Variants in KMT2C observed in about 807,000 individuals in gnomAD.
The protein encoded by KMT2C is lysine methyltransferase 2C, also known as histone-lysine N-methyltransferase 2C.
In KMT2C, 88 loss-of-function variants were observed where a neutral mutation model predicts 507.9. The ratio of observed to expected loss-of-function variants is 0.17; its 90% CI spans 0.15 to 0.21. The LOEUF is 0.21. Ranked by LOEUF, KMT2C falls within the 10% of genes least tolerant of loss-of-function variation. The pLI is 1.00. For synonymous variants in KMT2C, 2,049 were observed against 2,080.8 expected (o/e 0.98, Z 0.42); for missense variants, 4,954 against 5,957.8 (o/e 0.83, Z 5.55).
At chr7:152,164,278 T>C (rs1209234234) in intron 42 of KMT2C, among the ~76,000 whole-genome samples, 2 of 151,872 alleles carry the variant, frequency 1.3e-5, no homozygotes, top group Admixed American at 6.6e-5. Flanking sequence ...CTTAAATATA[T>C]AAATTGTACA....
intron 1 of KMT2C, among the ~76,000 whole-genome samples, chr7:152,425,428 T>C (rs1463164236): frequency 6.6e-6 from 1 of 151,982 alleles, no homozygotes; most frequent in East Asian, 1.9e-4. Context: ...ATAGAAAAAT[T>C]AGCCAGGCGT....
chr7:152,251,103 G>A, intron 11 of KMT2C, 137 bp from the exon 12 acceptor site: 1 of 600,506 alleles, frequency 1.7e-6, no homozygotes, highest in Non-Finnish European at 2.9e-6. Flanking sequence ...ATTTTTCTCT[G>A]TTGAACCACA....
rs193120605 is a variant in KMT2C, at chr7:152,145,336, T to C, written c.14032-41A>G. 374 of 1,602,660 alleles carry C rather than the reference T, an allele frequency of 2.3e-4. 3 individuals carry two copies. The African/African-American group carries it at 4.3e-3, about 18-fold the overall frequency. On this transcript the variant is annotated intron_variant, in intron 53 of 58. Coordinates refer to ENST00000262189, the MANE Select transcript of KMT2C (RefSeq NM_170606.3). ...GCAGACACAAAGTCACCCCATCTGA[T>C]GGAGACTACAGACAATCTCAAGCTG...
At chr7:152,297,055 C>CAGAGAG (rs769381866) in intron 6 of KMT2C, among the ~76,000 whole-genome samples, 1,670 of 84,300 alleles carry the variant, frequency 0.02, 32 homozygotes, top group African/African-American at 0.026. Context: ...GAAAGAAAGA[C>CAGAGAG]AGAGAGAGAG....
chr7:152,214,900 G>A (rs1004876479), intron 23 of KMT2C, among the ~76,000 whole-genome samples: 1 of 152,054 alleles, frequency 6.6e-6, no homozygotes, highest in Non-Finnish European at 1.5e-5. Context: ...TACACAGCAT[G>A]AGAACCACAG....
chr7:152,394,021 T>C (rs1427835428), intron 1 of KMT2C, among the ~76,000 whole-genome samples: 1 of 152,074 alleles, frequency 6.6e-6, no homozygotes, highest in Non-Finnish European at 1.5e-5. Flanking sequence ...TGGTGTGAAC[T>C]ACGAATCCTC....
chr7:152,348,599 T>TAAAAAAAAAAAAAAAAAAAAAAAAAAAAA (rs201530125), intron 2 of KMT2C, among the ~76,000 whole-genome samples: 9 of 49,004 alleles, frequency 1.8e-4, no homozygotes, highest in African/African-American at 3.6e-4. Context: ...AACTCTGTCT[T>TAAAAAAAAAAAAAAAAAAAAAAAAAAAAA]AAAAAAAAAA....
intron 6 of KMT2C, among the ~76,000 whole-genome samples, chr7:152,286,544 CAT>C (rs2096300325): frequency 6.6e-6 from 1 of 152,236 alleles, no homozygotes; most frequent in African/African-American, 2.4e-5. Flanking sequence ...AGAAGAAAAA[CAT>C]AATCATCCCA....
At chr7:152,311,521 C>T (rs774612584) in intron 5 of KMT2C, among the ~76,000 whole-genome samples, 2 of 151,986 alleles carry the variant, frequency 1.3e-5, no homozygotes, top group Non-Finnish European at 2.9e-5. Context: ...AAAATTTTCT[C>T]TTTTCTCAAT....
At chr7:152,420,946 C>A (rs2097773868) in intron 1 of KMT2C, among the ~76,000 whole-genome samples, 1 of 151,480 alleles carries the variant, frequency 6.6e-6, no homozygotes, top group East Asian at 1.9e-4. Context: ...TGCAGCACAC[C>A]AACATGGCAC....
intron 23 of KMT2C, among the ~76,000 whole-genome samples, chr7:152,214,324 T>G (rs80149157): frequency 0.017 from 2,556 of 152,296 alleles, 80 homozygotes; most frequent in African/African-American, 0.059. Context: ...CTAAGTGTCC[T>G]GATGGACAAT....
rs756875212 is a variant in KMT2C, at chr7:152,148,027, C to CGTA, written c.13894+5_13894+6insTAC. On this transcript the variant is annotated splice_donor_region_variant and intron_variant, in intron 52 of 58. Coordinates refer to ENST00000262189, the MANE Select transcript of KMT2C (RefSeq NM_170606.3). The surrounding 1 kb of genome is among the most constrained non-coding windows in gnomAD (Gnocchi z 7.1). ...CACTGCACAGCATGTGAACGGCAGA[C>CGTA]GTTACCTTTAGGTGAGATGTCACTT... 8.9e-6 allele frequency: 14 copies of CGTA among 1,564,572 alleles called. No homozygotes were observed. The South Asian group carries it at 1.7e-4, about 19-fold the overall frequency.
At chr7:152,387,173 T>C (rs1024381468) in intron 1 of KMT2C, among the ~76,000 whole-genome samples, 6 of 151,990 alleles carry the variant, frequency 3.9e-5, no homozygotes, top group African/African-American at 1.4e-4. Flanking sequence ...TAAACAGCCA[T>C]GTAGTACAAG....
intron 1 of KMT2C, among the ~76,000 whole-genome samples, chr7:152,415,384 A>C (rs2097723928): frequency 2.0e-5 from 3 of 152,216 alleles, no homozygotes; most frequent in African/African-American, 7.2e-5. Context: ...AATTGAATAA[A>C]ATCTTAAATG....
intron 1 of KMT2C, among the ~76,000 whole-genome samples, chr7:152,433,238 T>G (rs1402373822): frequency 6.6e-6 from 1 of 152,204 alleles, no homozygotes; most frequent in Non-Finnish European, 1.5e-5. Context: ...AATATCTCTA[T>G]GAGATTTAGC....
chr7:152,270,495 A>G (rs2095943453), intron 7 of KMT2C, among the ~76,000 whole-genome samples: 2 of 152,194 alleles, frequency 1.3e-5, no homozygotes, highest in Admixed American at 6.5e-5. Context: ...CAAGGCCTAC[A>G]TGATCTAGCC....
At chr7:152,428,504 G>A (rs1256984984) in intron 1 of KMT2C, among the ~76,000 whole-genome samples, 2 of 149,980 alleles carry the variant, frequency 1.3e-5, no homozygotes, top group African/African-American at 2.5e-5. Flanking sequence ...GGTGGTGGGT[G>A]CCTGTAATCC....
Position 152,263,143 on chromosome 7 carries a change from A to G in KMT2C, c.1185-13T>C. ...TTCTCCCGATTGTCTAAAAAATAAG[A>G]TAGCATTAATGATGCCTTATCTTTA... is the stretch of plus-strand genomic sequence containing the variant. On this transcript the variant is annotated splice_polypyrimidine_tract_variant and intron_variant, in intron 8 of 58. Transcript: ENST00000262189. 6.3e-7 allele frequency: 1 copy of G among 1,597,140 alleles called. No homozygotes were observed. The highest frequency in any genetic ancestry group is 1.3e-5 in the African/African-American group (1 of 74,444).
intron 39 of KMT2C, among the ~76,000 whole-genome samples, chr7:152,173,053 T>C (rs2093036149): frequency 6.6e-6 from 1 of 152,110 alleles, no homozygotes; most frequent in Non-Finnish European, 1.5e-5. Flanking sequence ...ATTCAAGACA[T>C]AAAACAGTTA....
Sources: gnomAD v4.1 joint callset for allele counts (sites outside exome capture counted in the v4.1 genomes callset) on GRCh38, gnomAD v4.1.1 for gene constraint, Gnocchi (gnomAD v3.1) non-coding constraint, MANE v1.5 for transcripts, NCBI Gene and HGNC (gene_info 2026-07-23, HGNC 2026-07-21) for gene names.